The following SETBP1 variants were observed in gnomAD, a reference collection of about 807,000 sequenced individuals.
SETBP1 encodes SET-binding protein.
SETBP1 carries 9 observed loss-of-function variants against 101.0 expected under a neutral mutation model. That is an observed-to-expected ratio of 0.09 (90% CI 0.05 to 0.16). SETBP1 has a LOEUF of 0.16. Ranked by LOEUF, SETBP1 falls within the 10% of genes least tolerant of loss-of-function variation. SETBP1 has a pLI of 1.00. For synonymous variants in SETBP1, 818 were observed against 788.5 expected, an observed-to-expected ratio of 1.04 and a Z score of -0.63; for missense variants, 1,858 against 2,033.8, an observed-to-expected ratio of 0.91 and a Z score of 1.66.
At chr18:44,808,721 T>C (rs2071799925) in intron 2 of SETBP1, among the ~76,000 whole-genome samples, 1 of 152,194 alleles carries the variant, frequency 6.6e-6, no homozygotes. Flanking sequence ...TTACATTTGA[T>C]CCAGGCTAAC....
chr18:44,954,598 A>T (rs2071444050), intron 4 of SETBP1, among the ~76,000 whole-genome samples: 1 of 152,198 alleles, frequency 6.6e-6, no homozygotes, highest in African/African-American at 2.4e-5. Context: ...TATGATTATG[A>T]GGTAGAAACC....
At chr18:44,722,370 C>A (rs577162888) in intron 2 of SETBP1, among the ~76,000 whole-genome samples, 146 of 152,302 alleles carry the variant, frequency 9.6e-4, no homozygotes, top group Non-Finnish European at 1.6e-3. Context: ...CCTTCTCACA[C>A]AATTTTGCCT....
chr18:44,851,905 G>C (rs1221553546), intron 2 of SETBP1, among the ~76,000 whole-genome samples: 1 of 152,182 alleles, frequency 6.6e-6, no homozygotes, highest in Non-Finnish European at 1.5e-5. Flanking sequence ...CCTGGGCTCT[G>C]CTCCTGGAGC....
intron 4 of SETBP1, among the ~76,000 whole-genome samples, chr18:44,974,131 G>A (rs1437840745): frequency 6.6e-6 from 1 of 152,162 alleles, no homozygotes; most frequent in Non-Finnish European, 1.5e-5. Context: ...AAAATTATTT[G>A]ATCACATTGT....
At chr18:44,749,848 CTTG>C (rs2070342378) in intron 2 of SETBP1, among the ~76,000 whole-genome samples, 1 of 152,128 alleles carries the variant, frequency 6.6e-6, no homozygotes, top group African/African-American at 2.4e-5. Flanking sequence ...TGTTCATTCA[CTTG>C]TTGTTTTCTG....
At chr18:44,750,992 A>T (rs893131407) in intron 2 of SETBP1, among the ~76,000 whole-genome samples, 1 of 152,090 alleles carries the variant, frequency 6.6e-6, no homozygotes, top group Admixed American at 6.6e-5. Context: ...AGGCTGATGG[A>T]GTGGGAAGCA....
At chr18:44,711,620 G>A (rs996469128) in intron 2 of SETBP1, among the ~76,000 whole-genome samples, 26 of 151,426 alleles carry the variant, frequency 1.7e-4, no homozygotes, top group African/African-American at 5.3e-4. Flanking sequence ...CAAACTCCTG[G>A]GCTCAAGTGA....
intron 4 of SETBP1, among the ~76,000 whole-genome samples, chr18:45,012,231 G>A (rs1004164860): frequency 1.3e-5 from 2 of 152,192 alleles, no homozygotes; most frequent in Admixed American, 1.3e-4. Flanking sequence ...CAGGGCCACT[G>A]GGGGAAGAAC....
At chr18:44,844,290 T>C in intron 2 of SETBP1, among the ~76,000 whole-genome samples, 1 of 151,830 alleles carries the variant, frequency 6.6e-6, no homozygotes, top group Non-Finnish European at 1.5e-5. Context: ...CTCTCCTGGG[T>C]CTCTCCTCCC....
intron 5 of SETBP1, among the ~76,000 whole-genome samples, chr18:45,042,340 G>A (rs767239735): frequency 6.6e-6 from 1 of 151,984 alleles, no homozygotes; most frequent in Non-Finnish European, 1.5e-5. Flanking sequence ...AGTAGAGGCG[G>A]GGTTTCACCG....
intron 4 of SETBP1, among the ~76,000 whole-genome samples, chr18:44,974,685 A>G (rs2071947299): frequency 6.6e-6 from 1 of 152,218 alleles, no homozygotes. Context: ...GTATATATTT[A>G]AAAGAGGAGA....
intron 5 of SETBP1, among the ~76,000 whole-genome samples, chr18:45,059,762 G>A (rs981926492): frequency 6.6e-5 from 10 of 152,166 alleles, no homozygotes; most frequent in Non-Finnish European, 1.3e-4. Flanking sequence ...GTGGCTCTAT[G>A]GGGCAGCACA....
At chr18:44,762,912 T>A (rs1024474244) in intron 2 of SETBP1, among the ~76,000 whole-genome samples, 1 of 152,248 alleles carries the variant, frequency 6.6e-6, no homozygotes, top group Non-Finnish European at 1.5e-5. Flanking sequence ...ACAGAGTATT[T>A]ATTTGGTGTA....
intron 2 of SETBP1, among the ~76,000 whole-genome samples, chr18:44,857,871 C>G (rs1190204095): frequency 6.6e-6 from 1 of 152,128 alleles, no homozygotes; most frequent in Non-Finnish European, 1.5e-5. Flanking sequence ...ATAAAGAAAA[C>G]CTTCATTTCC....
At chr18:45,039,544 A>G (rs1313503423) in intron 5 of SETBP1, among the ~76,000 whole-genome samples, 1 of 152,232 alleles carries the variant, frequency 6.6e-6, no homozygotes, top group Non-Finnish European at 1.5e-5. Flanking sequence ...AACTTCTCCC[A>G]TGTAACAAAA....
chr18:44,808,113 A>G (rs543709160), intron 2 of SETBP1, among the ~76,000 whole-genome samples: 1 of 152,262 alleles, frequency 6.6e-6, no homozygotes, highest in South Asian at 2.1e-4. Flanking sequence ...GTACCTTCCT[A>G]TTTGTGCTTT....
intron 5 of SETBP1, among the ~76,000 whole-genome samples, chr18:45,039,202 TTGA>T (rs1231862556): frequency 1.3e-5 from 2 of 152,156 alleles, no homozygotes; most frequent in Non-Finnish European, 2.9e-5. Flanking sequence ...TACCCATGAA[TTGA>T]TGAATTTCTC....
intron 2 of SETBP1, among the ~76,000 whole-genome samples, chr18:44,843,645 T>C (rs1732036313): frequency 6.6e-6 from 1 of 152,102 alleles, no homozygotes; most frequent in Non-Finnish European, 1.5e-5. Flanking sequence ...CCCTCCCAGG[T>C]GGCTCTTGGT....
intron 2 of SETBP1, among the ~76,000 whole-genome samples, chr18:44,849,364 C>G (rs138029195): frequency 7.9e-5 from 12 of 152,276 alleles, no homozygotes; most frequent in African/African-American, 2.6e-4. Context: ...AAGGCTGGTC[C>G]TATCACTAAC....
Sources: allele counts gnomAD v4.1 joint callset (sites outside exome capture counted in the v4.1 genomes callset), GRCh38; gene constraint gnomAD v4.1.1; transcripts MANE v1.5; gene names NCBI Gene and HGNC (gene_info 2026-07-23, HGNC 2026-07-21).